CLPX: variants seen among roughly 807,000 people sequenced by gnomAD.
CLPX encodes the protein ATP-dependent clpX-like chaperone, mitochondrial.
In CLPX, 34 loss-of-function variants were observed where a neutral mutation model predicts 76.4. That is an observed-to-expected ratio of 0.45 (90% CI 0.34 to 0.59). The LOEUF is 0.59. Ranked by LOEUF, CLPX falls within the 20% of genes least tolerant of loss-of-function variation. The pLI, the probability that CLPX is intolerant of heterozygous loss-of-function variation, is 0.01. For synonymous variants in CLPX, 248 were observed against 270.9 expected, an observed-to-expected ratio of 0.92 and a Z score of 0.83; for missense variants, 613 against 757.0, an observed-to-expected ratio of 0.81 and a Z score of 2.23.
chr15:65,171,539 A>G (rs1595944053), intron 3 of CLPX, among the ~76,000 whole-genome samples: 2 of 152,238 alleles, frequency 1.3e-5, no homozygotes, highest in African/African-American at 4.8e-5. Context: ...ATCACGTATA[A>G]ATGCTTAAAG....
At chr15:65,183,460 C>CAAAAA (rs61002905) in intron 1 of CLPX, among the ~76,000 whole-genome samples, 93 of 66,228 alleles carry the variant, frequency 1.4e-3, no homozygotes, top group Non-Finnish European at 1.8e-3. Context: ...GACTCTGTCT[C>CAAAAA]AAAAAAAAAA....
At chr15:65,171,591 C>G (rs2088008291) in intron 3 of CLPX, among the ~76,000 whole-genome samples, 1 of 152,178 alleles carries the variant, frequency 6.6e-6, no homozygotes, top group Non-Finnish European at 1.5e-5. Context: ...CTAACACAAG[C>G]CTAAGTAAAT....
intron 2 of CLPX, 140 bp from the exon 3 acceptor site, chr15:65,179,191 T>G (rs2088130641): frequency 3.8e-6 from 2 of 531,794 alleles, no homozygotes; most frequent in Non-Finnish European, 6.7e-6. Flanking sequence ...TATTTTATAA[T>G]TCTATTACTG....
intron 3 of CLPX, among the ~76,000 whole-genome samples, chr15:65,176,823 C>T (rs1333640098): frequency 6.6e-6 from 1 of 151,718 alleles, no homozygotes; most frequent in African/African-American, 2.4e-5. Flanking sequence ...TTGAACGCCT[C>T]ACCTCTGGTG....
chr15:65,160,798 CATTTT>C (rs2087847497), intron 6 of CLPX, among the ~76,000 whole-genome samples: 1 of 152,062 alleles, frequency 6.6e-6, no homozygotes, highest in African/African-American at 2.4e-5. Context: ...TCCATCATCC[CATTTT>C]ATGAGTATAT....
rs367705254 is a variant in CLPX at position 65,162,583 on chromosome 15, G to C, written c.715+21C>G. ...TGTCAAAAGGAAGAATGATTACAGA[G>C]GAGGACCTGAAGTCACTTACTTGTA... On this transcript the variant is annotated intron_variant, in intron 6 of 13. Coordinates refer to ENST00000300107, the MANE Select transcript of CLPX (RefSeq NM_006660.5). 1.2e-5 allele frequency: 18 copies of C among 1,534,920 alleles called. No individual in the cohort carries two copies. The African/African-American group carries it at 2.3e-4, about 20-fold the overall frequency.
intron 6 of CLPX, among the ~76,000 whole-genome samples, chr15:65,160,641 AC>A: frequency 6.6e-6 from 1 of 151,674 alleles, no homozygotes; most frequent in Non-Finnish European, 1.5e-5. Context: ...ACACACACAC[AC>A]ACACACACAC....
chr15:65,156,779 A>C, intron 9 of CLPX, 65 bp downstream of exon 9: 1 of 993,056 alleles, frequency 1.0e-6, no homozygotes, highest in Non-Finnish European at 1.6e-6. Flanking sequence ...CAAACGTACA[A>C]TATTTGGGAG....
In CLPX at chr15:65,148,738, A is replaced by C. The variant is rs988731158; in HGVS notation, c.*2085T>G. The C allele has an allele frequency of 2.6e-5, 4 of 152,040 alleles. No homozygotes were observed. Among genetic ancestry groups the C allele is most frequent in the African/African-American group, 9.7e-5 (4 of 41,446 alleles). The allele number at this position is 152,040 out of a possible 1,614,324, so 9.4% of individuals were successfully genotyped here. A position where few individuals can be genotyped will look rare whatever the true frequency, so the allele number is the denominator to read the frequency against. ...GAAAGCTCGAGTCTATAAACCAAAA[A>C]AAAAAACCCACAAATATTTACATGT... On this transcript the variant is annotated 3_prime_UTR_variant, in exon 14 of 14. Transcript: ENST00000300107.
At chr15:65,174,747 A>G (rs2088064930) in intron 3 of CLPX, among the ~76,000 whole-genome samples, 1 of 152,232 alleles carries the variant, frequency 6.6e-6, no homozygotes. Flanking sequence ...CAAGTCCTGC[A>G]GTCGGCCCTG....
At chr15:65,163,869 G>T (rs1319212092) in intron 5 of CLPX, among the ~76,000 whole-genome samples, 160 bp downstream of exon 5, 1 of 152,110 alleles carries the variant, frequency 6.6e-6, no homozygotes, top group Non-Finnish European at 1.5e-5. Context: ...AAAAAATGCT[G>T]TTGGCAAATG....
chr15:65,185,128 C>T lies in CLPX; in HGVS notation c.26G>A (p.Cys9Tyr), dbSNP rs2088241119. 1 of 1,577,096 alleles carries T rather than the reference C, an allele frequency of 6.3e-7. No homozygotes were observed. Among genetic ancestry groups the T allele is most frequent in the Non-Finnish European group, 8.6e-7 (1 of 1,161,782 alleles). ...GATGAGCCGGACGGCCGCCGCGCCG[C>T]AAGTACAAGCACCGCAGCTGGGCAT... MPSCGACT[C>Y]GAAAVRLITS... Residue 9 changes from cysteine to tyrosine, a missense_variant, in exon 1 of 14, where the codon TGC (cysteine) becomes TAC (tyrosine). Cys to Tyr is a radical substitution (Grantham distance 194, BLOSUM62 -2). Around this residue, in one of 2 missense-constraint regions of CLPX, gnomAD observed 163 missense variants for 118.4 expected, o/e 1.38. Coordinates refer to ENST00000300107, the MANE Select transcript of CLPX (RefSeq NM_006660.5).
chr15:65,176,604 T>A (rs2140645830), intron 3 of CLPX, among the ~76,000 whole-genome samples: 1 of 151,848 alleles, frequency 6.6e-6, no homozygotes, highest in Non-Finnish European at 1.5e-5. Context: ...CTTTCTTTTT[T>A]TTTTTTTGGA....
At chr15:65,152,948 A>G (rs1307245234) in intron 12 of CLPX, among the ~76,000 whole-genome samples, 2 of 150,746 alleles carry the variant, frequency 1.3e-5, no homozygotes, top group African/African-American at 4.9e-5. Context: ...ATGAGGGTGT[A>G]TGTTGCCCAG....
chr15:65,151,344 C>CAAA (rs571760722), intron 13 of CLPX, among the ~76,000 whole-genome samples: 5 of 59,300 alleles, frequency 8.4e-5, no homozygotes, highest in African/African-American at 1.3e-4. Context: ...GACTGAGTCT[C>CAAA]AAAAAAAAAA....
At position 65,178,923 on chromosome 15, in the gene CLPX, G is replaced by T; in HGVS notation, c.358+11C>A. On this transcript the variant is annotated intron_variant, in intron 3 of 13. Transcript: ENST00000300107. ...TAGGGAAAAAAGAACAGTAGAAGAT[G>T]TAATACTTACATACAAAGGTCTCTA... is the stretch of plus-strand genomic sequence containing the variant. The T allele has an allele frequency of 2.6e-5, 37 of 1,424,652 alleles. No individual in the cohort carries two copies. The highest frequency in any genetic ancestry group is 3.4e-5 in the Non-Finnish European group (35 of 1,023,516). 88.3% of individuals were successfully genotyped at this position (1,424,652 alleles called of 1,614,324 possible). A position where few individuals can be genotyped will look rare whatever the true frequency, so the allele number is the denominator to read the frequency against.
In CLPX at chr15:65,158,764, C is replaced by A; in HGVS notation, c.716-13G>T. ...ATCTGAAGCAATTCTGAAAAAAATG[C>A]CAAAGGAATTACTTGAGCTTCATTT... On this transcript the variant is annotated splice_polypyrimidine_tract_variant and intron_variant, in intron 6 of 13. Coordinates refer to ENST00000300107, the MANE Select transcript of CLPX (RefSeq NM_006660.5). 2 of 1,552,244 alleles carry A rather than the reference C, an allele frequency of 1.3e-6. No individual in the cohort carries two copies. Among genetic ancestry groups the A allele is most frequent in the Non-Finnish European group, 8.7e-7 (1 of 1,148,296 alleles).
intron 5 of CLPX, among the ~76,000 whole-genome samples, chr15:65,162,940 T>G (rs1389450640): frequency 6.6e-6 from 1 of 152,242 alleles, no homozygotes; most frequent in East Asian, 1.9e-4. Flanking sequence ...TTATAACCAT[T>G]TGCTCCTCCA....
chr15:65,168,297 T>C (rs2087946113), intron 3 of CLPX, among the ~76,000 whole-genome samples: 1 of 131,648 alleles, frequency 7.6e-6, no homozygotes, highest in African/African-American at 2.9e-5. Flanking sequence ...GGCAGGAGAA[T>C]GGTATGAACC....
Sources: gnomAD v4.1 joint callset for allele counts (sites outside exome capture counted in the v4.1 genomes callset) on GRCh38, gnomAD v4.1.1 for gene constraint, gnomAD v4.1.1 regional missense constraint, MANE v1.5 for transcripts, NCBI Gene and HGNC (gene_info 2026-07-23, HGNC 2026-07-21) for gene names.